Variants in CRIM1 observed in about 807,000 individuals in gnomAD.
The protein encoded by CRIM1 is cysteine rich transmembrane BMP regulator 1.
Under a neutral mutation model 116.4 loss-of-function variants are expected in CRIM1, and 32 were observed. The ratio of observed to expected loss-of-function variants is 0.27; its 90% confidence interval spans 0.21 to 0.37. CRIM1 has a LOEUF of 0.37. Ranked by LOEUF, CRIM1 falls within the 10% of genes least tolerant of loss-of-function variation. The pLI, the probability that CRIM1 is intolerant of heterozygous loss-of-function variation, is 1.00. For missense variants in CRIM1, 1,331 were observed against 1,354.8 expected, an observed-to-expected ratio of 0.98 and a Z score of 0.28; for synonymous variants, 590 against 509.2, an observed-to-expected ratio of 1.16 and a Z score of -2.13.
rs535389432 is a variant in CRIM1, at chr2:36,387,920, G to C, written c.332-8694G>C. On this transcript the variant is annotated intron_variant, in intron 1 of 16. Transcript: ENST00000280527. ...CTCCTTGATTCTTTGGACTTACTCT[G>C]TTGCTCTTTTTTCAAGTTGGATGCT... Among the ~76,000 whole-genome samples, 41 of 144,160 alleles carry C rather than the reference G, an allele frequency of 2.8e-4. No individual in the cohort carries two copies. The South Asian group carries it at 8.8e-3, about 31-fold the overall frequency. 94.6% of individuals were successfully genotyped at this position (144,160 alleles called of 152,430 possible). A position where few individuals can be genotyped will look rare whatever the true frequency, so the allele number is the denominator to read the frequency against.
chr2:36,383,191 T>A (rs1670915141), intron 1 of CRIM1, among the ~76,000 whole-genome samples: 1 of 152,240 alleles, frequency 6.6e-6, no homozygotes, highest in Admixed American at 6.5e-5. Flanking sequence ...GAGTGATGCA[T>A]ACCTGTTATA....
In CRIM1 at chr2:36,476,970, G is replaced by A. The variant is rs761241012; in HGVS notation, c.1073G>A (p.Arg358Gln). Reference sequence around the variant, plus strand: ...CGAATGGACAACTGTCGGTTCTGTCGATGCCAAGGGGGCGTTGCCATCTGC... The same window carrying A: ...CGAATGGACAACTGTCGGTTCTGTCAATGCCAAGGGGGCGTTGCCATCTGC... ...MFRMDNCRFC[R>Q]CQGGVAICFT... The change falls in exon 6 of 17, where the codon CGA becomes CAA. Residue 358 changes from arginine (R) to glutamine (Q), a missense_variant. Around this residue, in one of 3 missense-constraint regions of CRIM1, gnomAD observed 690 missense variants for 676.0 expected, o/e 1.02. Transcript: ENST00000280527. 13 of 1,613,944 alleles carry A rather than the reference G, an allele frequency of 8.1e-6. No homozygotes were observed. The Admixed American group carries it at 1.7e-4, about 21-fold the overall frequency.
At chr2:36,461,039 T>A (rs1212965233) in intron 4 of CRIM1, among the ~76,000 whole-genome samples, 1 of 152,084 alleles carries the variant, frequency 6.6e-6, no homozygotes, top group African/African-American at 2.4e-5. Flanking sequence ...GAAACAGAAT[T>A]GAGAAAGGGT....
intron 9 of CRIM1, 101 bp from the exon 10 acceptor site, chr2:36,512,172 G>A (rs1341382475): frequency 1.4e-6 from 2 of 1,379,614 alleles, no homozygotes; most frequent in Non-Finnish European, 2.0e-6. Context: ...AAGTCATTCT[G>A]TTTAATAGCA....
At chr2:36,430,847 A>G (rs1674832815) in intron 2 of CRIM1, among the ~76,000 whole-genome samples, 1 of 152,232 alleles carries the variant, frequency 6.6e-6, no homozygotes, top group Non-Finnish European at 1.5e-5. Flanking sequence ...ACTCCTTACC[A>G]TTCTATGCCA....
intron 4 of CRIM1, among the ~76,000 whole-genome samples, chr2:36,461,251 T>G (rs1677559949): frequency 6.6e-6 from 1 of 151,824 alleles, no homozygotes; most frequent in South Asian, 2.1e-4. Flanking sequence ...AAATGAGGGG[T>G]AAGTGTTGAA....
chr2:36,466,146 A>G lies in CRIM1; in HGVS notation c.991+1491A>G, dbSNP rs112544530. Among the ~76,000 whole-genome samples the G allele has an allele frequency of 7.4e-3, 1,131 of 152,148 alleles. 14 individuals are homozygous for G. Among genetic ancestry groups the G allele is most frequent in the African/African-American group, 0.025 (1,049 of 41,536 alleles). The stretch of plus-strand genomic sequence containing the variant: ...CGTGATCCACCCGCCTCGGCCTCCC[A>G]AGGTACTGGGATTACACGTGTGAGC... On this transcript the variant is annotated intron_variant, in intron 5 of 16. Transcript: ENST00000280527.
chr2:36,386,582 C>G (rs117949061), intron 1 of CRIM1, among the ~76,000 whole-genome samples: 1 of 152,224 alleles, frequency 6.6e-6, no homozygotes, highest in Middle Eastern at 3.2e-3. Context: ...ATGTGCTCGT[C>G]CTCTCTATCC....
At chr2:36,452,312 A>G (rs1448987545) in intron 4 of CRIM1, among the ~76,000 whole-genome samples, 1 of 152,206 alleles carries the variant, frequency 6.6e-6, no homozygotes, top group African/African-American at 2.4e-5. Context: ...ACATACTATT[A>G]TGGTAGCATT....
chr2:36,412,594 C>T (rs1484616797), intron 2 of CRIM1, among the ~76,000 whole-genome samples: 1 of 152,054 alleles, frequency 6.6e-6, no homozygotes, highest in South Asian at 2.1e-4. Flanking sequence ...GTCATACTAA[C>T]CTTTGTATCA....
Position 36,356,314 on chromosome 2 carries a change from A to G in CRIM1, c.22A>G (p.Arg8Gly), listed in dbSNP as rs780754036. Residue 8 changes from arginine (R) to glycine (G), a missense_variant, in exon 1 of 17, where the codon AGG (arginine) becomes GGG (glycine). Coordinates refer to ENST00000280527, the MANE Select transcript of CRIM1 (RefSeq NM_016441.3). The surrounding 1 kb of genome is among the most constrained non-coding windows in gnomAD (Gnocchi z 4.3). ...GAGGATGTACTTGGTGGCGGGGGAC[A>G]GGGGGTTGGCCGGCTGCGGGCACCT... Reference protein sequence around the residue: MYLVAGDRGLAGCGHLLV... With the variant: MYLVAGDGGLAGCGHLLV... The G allele has an allele frequency of 1.3e-6, 2 of 1,562,696 alleles. No individual in the cohort carries two copies. The highest frequency in any genetic ancestry group is 3.7e-5 in the Admixed American group (2 of 54,752).
Position 36,517,364 on chromosome 2 carries a change from C to G in CRIM1, c.2028C>G (p.Pro676=). ...FVVQKPELST[P]SICHAPGGEY... ...TGCAGAAGCCAGAGCTCAGTACTCC[C>G]TCCATTTGCCACGCCCCTGGAGGAG... is the stretch of plus-strand genomic sequence containing the variant. Residue 676 remains proline, a synonymous_variant, in exon 12 of 17, where the codon CCC becomes CCG. Coordinates refer to ENST00000280527, the MANE Select transcript of CRIM1 (RefSeq NM_016441.3). The G allele has an allele frequency of 6.2e-7, 1 of 1,614,230 alleles. No individual in the cohort carries two copies. Among genetic ancestry groups the G allele is most frequent in the Non-Finnish European group, 8.5e-7 (1 of 1,180,040 alleles).
chr2:36,473,682 A>G (rs1043740076), intron 5 of CRIM1, among the ~76,000 whole-genome samples: 3 of 152,122 alleles, frequency 2.0e-5, no homozygotes, highest in East Asian at 1.9e-4. Flanking sequence ...AGTGTCATTC[A>G]TGTTATATTG....
chr2:36,501,545 C>A (rs1680995137), intron 8 of CRIM1, among the ~76,000 whole-genome samples: 1 of 151,902 alleles, frequency 6.6e-6, no homozygotes. Context: ...ATGGCAAAAC[C>A]CCATCTCTAC....
chr2:36,382,221 G>A (rs772576003), intron 1 of CRIM1, among the ~76,000 whole-genome samples: 6 of 152,224 alleles, frequency 3.9e-5, no homozygotes, highest in Admixed American at 1.3e-4. Flanking sequence ...TCCAAACTGC[G>A]CGTGTTGGCA....
chr2:36,500,832 T>A (rs1184755728), intron 8 of CRIM1, among the ~76,000 whole-genome samples: 1 of 152,206 alleles, frequency 6.6e-6, no homozygotes, highest in Non-Finnish European at 1.5e-5. Flanking sequence ...CAAGAAATCT[T>A]GAAAGACACT....
chr2:36,490,092 C>T (rs558416817), intron 7 of CRIM1, among the ~76,000 whole-genome samples: 6 of 152,232 alleles, frequency 3.9e-5, no homozygotes, highest in South Asian at 2.1e-4. Context: ...TTACAACAGG[C>T]AGGGTTCAGA....
At chr2:36,398,354 GAT>G (rs1484926146) in intron 2 of CRIM1, among the ~76,000 whole-genome samples, 1 of 152,146 alleles carries the variant, frequency 6.6e-6, no homozygotes, top group Non-Finnish European at 1.5e-5. Context: ...AGATGCAGCA[GAT>G]TTTGAATCTA....
At chr2:36,512,807 A>C (rs1004356300) in intron 10 of CRIM1, among the ~76,000 whole-genome samples, 4 of 152,216 alleles carry the variant, frequency 2.6e-5, no homozygotes, top group Non-Finnish European at 5.9e-5. Context: ...GTATTTCCAG[A>C]TAACAGTTTT....
Sources: gnomAD v4.1 joint callset for allele counts (sites outside exome capture counted in the v4.1 genomes callset) on GRCh38, gnomAD v4.1.1 for gene constraint, gnomAD v4.1.1 regional missense constraint, Gnocchi (gnomAD v3.1) non-coding constraint, MANE v1.5 for transcripts, NCBI Gene and HGNC (gene_info 2026-07-23, HGNC 2026-07-21) for gene names.